ZFP57: variants seen among roughly 807,000 people sequenced by gnomAD.
ZFP57 encodes zinc finger protein 57 homolog.
ZFP57 carries 12 observed loss-of-function variants against 15.8 expected under a neutral mutation model. The observed-to-expected ratio is 0.76, with a 90% CI of 0.49 to 1.23. The LOEUF (loss-of-function observed/expected upper bound fraction) is 1.23, where lower values mean the gene tolerates loss of function less well. Among genes scored for constraint, ZFP57 ranks in the 50% most tolerant of loss-of-function variants. ZFP57 has a pLI of 0.00. For synonymous variants in ZFP57, 203 were observed against 242.3 expected, an observed-to-expected ratio of 0.84 and a Z score of 1.51; for missense variants, 536 against 654.9, an observed-to-expected ratio of 0.82 and a Z score of 1.98.
In ZFP57 at chr6:29,672,527, C is replaced by G. The variant is rs1217039986; in HGVS notation, c.1584G>C (p.Glu528Asp). Residue 528 changes from glutamate (E) to aspartate (D), a missense_variant, in exon 5 of 5, where the codon GAG (glutamate) becomes GAC (aspartate). Glu to Asp is a conservative substitution (Grantham distance 45, BLOSUM62 2). Transcript: ENST00000376883. ...EKACKGDKTK[E>D]AVSILKHK ...ATTTATGTTTCAAGATGCTCACTGC[C>G]TCCTTTGTTTTGTCTCCTTTGCAGG... is the stretch of plus-strand genomic sequence containing the variant. 3.7e-6 allele frequency: 6 copies of G among 1,612,854 alleles called. No homozygotes were observed. The highest frequency in any genetic ancestry group is 2.7e-5 in the African/African-American group (2 of 74,888).
chr6:29,675,998 T>A lies in ZFP57; in HGVS notation c.185A>T (p.Asp62Val), dbSNP rs748718399. The change falls in exon 3 of 5, where the codon GAT (aspartate) becomes GTT (valine). Residue 62 changes from aspartate (D) to valine (V), a missense_variant. Coordinates refer to ENST00000376883, the MANE Select transcript of ZFP57 (RefSeq NM_001109809.5). ...NFTQEEWDCL[D>V]ASQRVLYQDV... is the part of the protein sequence containing the mutation. ...CTGGTAAAGGACCCTCTGGCTGGCA[T>A]CTAGACAGTCCCACTCTTCCTGGGT... The A allele has an allele frequency of 6.2e-7, 1 of 1,613,372 alleles. No homozygotes were observed. The highest frequency in any genetic ancestry group is 1.7e-5 in the Admixed American group (1 of 59,960).
At chr6:29,675,534 C>T (rs1387415778) in intron 3 of ZFP57, 47 bp from the exon 4 acceptor site, 2 of 1,455,234 alleles carry the variant, frequency 1.4e-6, no homozygotes, top group African/African-American at 2.8e-5. Flanking sequence ...CAGGTATGGC[C>T]CCTTCACATC....
Position 29,677,006 on chromosome 6 carries a change from TCTC to T in ZFP57, c.-6_-4del, listed in dbSNP as rs746785399. 1.3e-5 allele frequency: 21 copies of T among 1,614,016 alleles called. No individual in the cohort carries two copies. The East Asian group carries it at 4.0e-4, about 31-fold the overall frequency. ...ATTGGCTTCAGCTGTTCAAACATCTTCTCTTCTGTGGTGTCTCTTTCTAGCTTT... is the reference window on the plus strand; with the variant it reads ...ATTGGCTTCAGCTGTTCAAACATCTTTTCTGTGGTGTCTCTTTCTAGCTTT... On this transcript the variant is annotated 5_prime_UTR_variant, in exon 2 of 5. Coordinates refer to ENST00000376883, the MANE Select transcript of ZFP57 (RefSeq NM_001109809.5).
chr6:29,672,640 T>A lies in ZFP57; in HGVS notation c.1471A>T (p.Thr491Ser). ...TGCTTCCATTCCTCCCCAGCCATAG[T>A]GGGGACATCATGAGAGAAGCCAAGC... ...QWLGFSHDVP[T>S]MAGEEWKHGG... The change falls in exon 5 of 5, where the codon ACT becomes TCT. Residue 491 changes from threonine (T) to serine (S), a missense_variant. Physicochemically the swap from Thr to Ser is moderately conservative, Grantham distance 58 (BLOSUM62 1). Transcript: ENST00000376883. The A allele has an allele frequency of 1.2e-6, 2 of 1,611,202 alleles. No individual in the cohort carries two copies. Among genetic ancestry groups the A allele is most frequent in the Non-Finnish European group, 1.7e-6 (2 of 1,178,504 alleles).
At position 29,676,883 on chromosome 6, in the gene ZFP57, T is replaced by A; in HGVS notation, c.121A>T (p.Lys41Ter). 6.2e-7 allele frequency: 1 copy of A among 1,614,076 alleles called. No homozygotes were observed. Among genetic ancestry groups the A allele is most frequent in the African/African-American group, 1.3e-5 (1 of 75,054 alleles). ...RDCWREARVK[K>*]KPVTFEDVAV... Reference sequence around the variant, plus strand: ...TCTCTCTAGCTTAGTCTCCTCACCTTCTTCACCCGTGCCTCCCTCCAGCAA... The same window carrying A: ...TCTCTCTAGCTTAGTCTCCTCACCTACTTCACCCGTGCCTCCCTCCAGCAA... Residue 41 changes from lysine (K) to a stop codon, truncating the protein, a stop_gained and splice_region_variant, in exon 2 of 5, where the codon AAG becomes TAG. Coordinates refer to ENST00000376883, the MANE Select transcript of ZFP57 (RefSeq NM_001109809.5). LOFTEE classifies it high-confidence loss of function.
At chr6:29,679,794 G>GT in intron 1 of ZFP57, among the ~76,000 whole-genome samples, 1 of 152,150 alleles carries the variant, frequency 6.6e-6, no homozygotes, top group Non-Finnish European at 1.5e-5. Flanking sequence ...TGAGGCAGGA[G>GT]AATCGCTTGA....
At position 29,672,948 on chromosome 6, in the gene ZFP57, T is replaced by C. The variant is rs752357427; in HGVS notation, c.1163A>G (p.His388Arg). Reference protein sequence around the residue: ...PSRLNVFCCPHCSLTFSKKSY... With the variant: ...PSRLNVFCCPRCSLTFSKKSY... ...TTTCTTGCTAAAAGTCAAAGAACAA[T>C]GGGGGCAACAGAAGACATTGAGTCT... Residue 388 changes from histidine (H) to arginine (R), a missense_variant, in exon 5 of 5, where the codon CAT becomes CGT. Physicochemically the swap from His to Arg is conservative, Grantham distance 29. Transcript: ENST00000376883. 1.9e-6 allele frequency: 3 copies of C among 1,612,936 alleles called. No individual in the cohort carries two copies. Among genetic ancestry groups the C allele is most frequent in the Non-Finnish European group, 2.5e-6 (3 of 1,180,002 alleles).
intron 2 of ZFP57, 28 bp from the exon 3 acceptor site, chr6:29,676,087 T>A (rs1384192526): frequency 6.2e-7 from 1 of 1,608,496 alleles, no homozygotes; most frequent in East Asian, 2.2e-5. Context: ...ACTCAAGAAG[T>A]TTATATAAAT....
At chr6:29,674,070 G>C (rs1018843286) in intron 4 of ZFP57, among the ~76,000 whole-genome samples, 24 of 150,684 alleles carry the variant, frequency 1.6e-4, no homozygotes, top group African/African-American at 5.9e-4. Context: ...CTCCTGCCTG[G>C]GCAACTAGAG....
At chr6:29,674,258 G>A (rs1771962725) in intron 4 of ZFP57, among the ~76,000 whole-genome samples, 1 of 152,060 alleles carries the variant, frequency 6.6e-6, no homozygotes, top group Non-Finnish European at 1.5e-5. Context: ...AGAGGAAGAA[G>A]AAGAACTCCA....
Position 29,673,622 on chromosome 6 carries a change from G to C in ZFP57, c.489C>G (p.Thr163=). Residue 163 remains threonine (T), a synonymous_variant, in exon 5 of 5, where the codon ACC becomes ACG. Coordinates refer to ENST00000376883, the MANE Select transcript of ZFP57 (RefSeq NM_001109809.5). This position sits in a 1 kb window ranked among gnomAD's most constrained non-coding sequence, Gnocchi z 4.7. The part of the protein sequence containing the change: ...LSAPAGTMDR[T]RVLQASQAGP... ...CAGCCTGGGATGCTTGAAGCACCCG[G>C]GTCCTGTCCATAGTCCCAGCTGGGG... 1 of 1,612,920 alleles carries C rather than the reference G, an allele frequency of 6.2e-7. No homozygotes were observed. Among genetic ancestry groups the C allele is most frequent in the African/African-American group, 1.3e-5 (1 of 75,058 alleles).
rs1772112075 is a variant in ZFP57, at chr6:29,677,034, T to C, written c.-31A>G. 1.2e-6 allele frequency: 2 copies of C among 1,613,878 alleles called. No homozygotes were observed. The highest frequency in any genetic ancestry group is 1.7e-6 in the Non-Finnish European group (2 of 1,180,050). On this transcript the variant is annotated 5_prime_UTR_variant, in exon 2 of 5. In the 5' UTR this introduces an upstream ATG that the reference lacks. Coordinates refer to ENST00000376883, the MANE Select transcript of ZFP57 (RefSeq NM_001109809.5). ...CTTCTGTGGTGTCTCTTTCTAGCTT[T>C]ATCCACTCCTGGCCTGGTGCCCAGG...
In ZFP57 at chr6:29,673,215, C is replaced by G; in HGVS notation, c.896G>C (p.Gly299Ala). ...GNQECTLRIPGTQAEFQTPIA... is the reference protein window; with the variant it reads ...GNQECTLRIPATQAEFQTPIA... Reference sequence around the variant, plus strand: ...GGGTGTCTGGAATTCAGCCTGGGTGCCTGGAATCCTCAAAGTACACTCCTG... The same window carrying G: ...GGGTGTCTGGAATTCAGCCTGGGTGGCTGGAATCCTCAAAGTACACTCCTG... Residue 299 changes from glycine to alanine, a missense_variant, in exon 5 of 5, where the codon GGC becomes GCC. Coordinates refer to ENST00000376883, the MANE Select transcript of ZFP57 (RefSeq NM_001109809.5). This position sits in a 1 kb window ranked among gnomAD's most constrained non-coding sequence, Gnocchi z 4.7. 6.2e-7 allele frequency: 1 copy of G among 1,613,012 alleles called. No homozygotes were observed. The highest frequency in any genetic ancestry group is 8.5e-7 in the Non-Finnish European group (1 of 1,180,020).
intron 3 of ZFP57, 57 bp from the exon 4 acceptor site, chr6:29,675,544 C>G: frequency 2.3e-6 from 3 of 1,331,426 alleles, no homozygotes; most frequent in Non-Finnish European, 3.3e-6. Flanking sequence ...CCCTTCACAT[C>G]TGATGGGGAC....
chr6:29,676,543 A>AAAG (rs1390254287), intron 2 of ZFP57, among the ~76,000 whole-genome samples: 1 of 134,580 alleles, frequency 7.4e-6, no homozygotes, highest in Non-Finnish European at 1.6e-5. Flanking sequence ...CTCAAAAAAA[A>AAAG]AAAAAAGAAA....
chr6:29,673,234 A>G lies in ZFP57; in HGVS notation c.877T>C (p.Cys293Arg), dbSNP rs750911552. The change falls in exon 5 of 5, where the codon TGT becomes CGT. Residue 293 changes from cysteine to arginine, a missense_variant. By Grantham distance (180) the Cys-to-Arg change is radical (BLOSUM62 -3). Coordinates refer to ENST00000376883, the MANE Select transcript of ZFP57 (RefSeq NM_001109809.5). This position sits in a 1 kb window ranked among gnomAD's most constrained non-coding sequence, Gnocchi z 4.7. ...TGGGTGCCTGGAATCCTCAAAGTAC[A>G]CTCCTGGTTTCCATCCACTGGCTCC... ...NQEPVDGNQECTLRIPGTQAE... is the reference protein window; with the variant it reads ...NQEPVDGNQERTLRIPGTQAE... 3 of 1,611,972 alleles carry G rather than the reference A, an allele frequency of 1.9e-6. No individual in the cohort carries two copies. The highest frequency in any genetic ancestry group is 2.2e-5 in the South Asian group (2 of 91,030).
At chr6:29,676,588 G>A (rs1479406694) in intron 2 of ZFP57, among the ~76,000 whole-genome samples, 1 of 151,312 alleles carries the variant, frequency 6.6e-6, no homozygotes, top group Non-Finnish European at 1.5e-5. Context: ...AAGAGAAAGG[G>A]AGAAAGATAA....
At chr6:29,679,337 C>T (rs936762925) in intron 1 of ZFP57, among the ~76,000 whole-genome samples, 8 of 152,142 alleles carry the variant, frequency 5.3e-5, no homozygotes, top group Non-Finnish European at 8.8e-5. Context: ...TTTCCTTTCA[C>T]TTTTTGAGAA....
chr6:29,674,349 G>A (rs564972946), intron 4 of ZFP57, among the ~76,000 whole-genome samples: 2 of 152,100 alleles, frequency 1.3e-5, no homozygotes, highest in East Asian at 1.9e-4. Context: ...TTACCCTTGG[G>A]CCTCATAGGC....
Sources: gnomAD v4.1 joint callset for allele counts (sites outside exome capture counted in the v4.1 genomes callset) on GRCh38, gnomAD v4.1.1 for gene constraint, Gnocchi (gnomAD v3.1) non-coding constraint, MANE v1.5 for transcripts, NCBI Gene and HGNC (gene_info 2026-07-23, HGNC 2026-07-21) for gene names.